ZPBP: variants seen among roughly 807,000 people sequenced by gnomAD.
The protein encoded by ZPBP is zona pellucida-binding protein 1.
In ZPBP, 26 loss-of-function variants were observed where a neutral mutation model predicts 44.8. The ratio of observed to expected loss-of-function variants is 0.58; its 90% CI spans 0.43 to 0.81. ZPBP has a LOEUF of 0.81. ZPBP is among the 30% of genes least tolerant of loss of function. The probability of loss-of-function intolerance (pLI) is 0.00; values close to 1 mark genes in which losing one functional copy is unlikely to be tolerated. For missense variants in ZPBP, 409 were observed against 434.0 expected, an observed-to-expected ratio of 0.94 and a Z score of 0.51; for synonymous variants, 174 against 153.2, an observed-to-expected ratio of 1.14 and a Z score of -1.00.
chr7:50,044,894 G>A (rs181906769), intron 4 of ZPBP, among the ~76,000 whole-genome samples: 93 of 152,180 alleles, frequency 6.1e-4, no homozygotes, highest in Non-Finnish European at 7.2e-4. Flanking sequence ...GATGAACATC[G>A]ATGTGAAAAT....
chr7:49,866,183 GCTTAT>G, intron 2 of ZPBP, among the ~76,000 whole-genome samples: 1 of 152,188 alleles, frequency 6.6e-6, no homozygotes, highest in African/African-American at 2.4e-5. Context: ...TTTCTCACTT[GCTTAT>G]CTTATCAGAC....
chr7:50,088,803 G>A (rs907856386), intron 2 of ZPBP, among the ~76,000 whole-genome samples: 1 of 148,804 alleles, frequency 6.7e-6, no homozygotes, highest in East Asian at 1.9e-4. Context: ...TACATTGCTG[G>A]TGTGAAAGTA....
At chr7:49,998,091 T>A (rs1797932766) in intron 6 of ZPBP, among the ~76,000 whole-genome samples, 1 of 152,010 alleles carries the variant, frequency 6.6e-6, no homozygotes, top group African/African-American at 2.4e-5. Flanking sequence ...CTAATTTTTG[T>A]ATTTTTAGTA....
intron 6 of ZPBP, among the ~76,000 whole-genome samples, chr7:49,997,211 G>T (rs1018694579): frequency 4.6e-5 from 7 of 152,138 alleles, no homozygotes; most frequent in African/African-American, 1.7e-4. Flanking sequence ...TTAACCAAGA[G>T]AGATCAGGCA....
At position 50,092,756 on chromosome 7, in the gene ZPBP, G is replaced by A. The variant is rs1803057554; in HGVS notation, c.127+312C>T. 1.6e-5 allele frequency: 4 copies of A among 257,822 alleles called. No homozygotes were observed. The Admixed American group carries it at 1.7e-4, about 11-fold the overall frequency. 16.0% of individuals were successfully genotyped at this position (257,822 alleles called of 1,614,324 possible). On this transcript the variant is annotated intron_variant, in intron 1 of 7. Coordinates refer to ENST00000046087, the MANE Select transcript of ZPBP (RefSeq NM_007009.3). ...CTCATCATTACAGAGTTCACACACT[G>A]AAATGCAAACCTGGCAGATGACCCA...
chr7:50,081,805 T>A lies in ZPBP; in HGVS notation c.303A>T (p.Gln101His), dbSNP rs201696735. The A allele has an allele frequency of 1.5e-4, 247 of 1,611,590 alleles. 3 individuals are homozygous for A. In the South Asian group the frequency reaches 2.5e-3, roughly 16 times the overall value. Residue 101 changes from glutamine to histidine, a missense_variant, in exon 3 of 8, where the codon CAA becomes CAT. By Grantham distance (24) the Gln-to-His change is conservative. Around this residue, in one of 2 missense-constraint regions of ZPBP, gnomAD observed 367 missense variants for 363.1 expected, o/e 1.01. Transcript: ENST00000046087. ...RNAELIDPSFQWYGPKGKVVS... is the reference protein window; with the variant it reads ...RNAELIDPSFHWYGPKGKVVS... ...CAACTTTTCCTTTAGGCCCATACCA[T>A]TGGAATGATGGGTCTATCAGTTCAG...
At chr7:49,932,470 T>C (rs1192904879), downstream of ZPBP, among the ~76,000 whole-genome samples, 2 of 152,218 alleles carry the variant, frequency 1.3e-5, no homozygotes, top group Non-Finnish European at 2.9e-5. Flanking sequence ...TGGACTTGCA[T>C]GGGGCCTGCA....
chr7:49,930,373 T>C (rs148509336), intron 1 of ZPBP, among the ~76,000 whole-genome samples: 136 of 152,340 alleles, frequency 8.9e-4, no homozygotes, highest in African/African-American at 3.2e-3. Context: ...AGAGTAACAG[T>C]AACTCACAAA....
chr7:49,860,855 C>T (rs1415203775), intron 2 of ZPBP, among the ~76,000 whole-genome samples: 1 of 152,188 alleles, frequency 6.6e-6, no homozygotes, highest in Non-Finnish European at 1.5e-5. Flanking sequence ...CCATGTGAGG[C>T]CACAGAAGGA....
intron 6 of ZPBP, among the ~76,000 whole-genome samples, chr7:50,015,524 A>T (rs1390348978): frequency 2.6e-5 from 4 of 152,144 alleles, no homozygotes; most frequent in African/African-American, 9.6e-5. Context: ...GAAGTCTCCA[A>T]ATGCAATTGC....
At chr7:50,012,025 C>T (rs541249877) in intron 6 of ZPBP, among the ~76,000 whole-genome samples, 5 of 146,902 alleles carry the variant, frequency 3.4e-5, no homozygotes, top group East Asian at 2.0e-4. Flanking sequence ...AGTGAGACCC[C>T]GTCTCAAAAA....
chr7:49,998,207 C>G (rs181916036), intron 6 of ZPBP, among the ~76,000 whole-genome samples: 6 of 152,340 alleles, frequency 3.9e-5, no homozygotes, highest in Non-Finnish European at 5.9e-5. Context: ...TGAACCACCA[C>G]GCCCAGCCTA....
At chr7:50,084,410 A>G (rs988086582) in intron 2 of ZPBP, among the ~76,000 whole-genome samples, 5 of 152,000 alleles carry the variant, frequency 3.3e-5, no homozygotes, top group African/African-American at 9.7e-5. Flanking sequence ...AGAATAAACT[A>G]AAAGTTCAAC....
chr7:50,090,567 A>G (rs1207920035), intron 1 of ZPBP, among the ~76,000 whole-genome samples: 1 of 151,764 alleles, frequency 6.6e-6, no homozygotes, highest in Non-Finnish European at 1.5e-5. Flanking sequence ...ATGCATATAT[A>G]TGTGTATATA....
intron 7 of ZPBP, chr7:49,943,059 C>G: frequency 3.0e-6 from 1 of 334,518 alleles, no homozygotes; most frequent in Non-Finnish European, 5.8e-6. Context: ...AGCAGCTTGA[C>G]AAAGAAAGGA....
chr7:49,978,942 T>G (rs1796651393), intron 7 of ZPBP, among the ~76,000 whole-genome samples: 1 of 152,002 alleles, frequency 6.6e-6, no homozygotes, highest in Non-Finnish European at 1.5e-5. Context: ...GCTTAATAGC[T>G]TACAGGAATG....
intron 6 of ZPBP, among the ~76,000 whole-genome samples, chr7:50,008,888 A>G (rs934163001): frequency 1.3e-5 from 2 of 152,040 alleles, no homozygotes; most frequent in African/African-American, 4.8e-5. Context: ...ATAAAGACAC[A>G]TACTGGGCCA....
chr7:49,950,380 T>C (rs985489), intron 7 of ZPBP, among the ~76,000 whole-genome samples: 113,609 of 151,716 alleles, frequency 0.75, 42,771 homozygotes, highest in East Asian at 0.89. Flanking sequence ...AATTAATATA[T>C]ACATATGCAA....
chr7:49,947,738 C>G (rs114604042), intron 7 of ZPBP, among the ~76,000 whole-genome samples: 1 of 152,168 alleles, frequency 6.6e-6, no homozygotes, highest in African/African-American at 2.4e-5. Flanking sequence ...ACTGAAGACC[C>G]AAGGGCTCTA....
Sources: allele counts gnomAD v4.1 joint callset (sites outside exome capture counted in the v4.1 genomes callset), GRCh38; gene constraint gnomAD v4.1.1; regional missense constraint gnomAD v4.1.1; transcripts MANE v1.5; gene names NCBI Gene and HGNC (gene_info 2026-07-23, HGNC 2026-07-21).